The following LDLRAD2 variants were observed in gnomAD, a reference collection of about 807,000 sequenced individuals.
LDLRAD2 encodes the protein low-density lipoprotein receptor class A domain-containing protein 2.
A neutral mutation model predicts 24.9 loss-of-function variants in LDLRAD2; 25 were observed. The ratio of observed to expected loss-of-function variants is 1.00; its 90% CI spans 0.73 to 1.40. The LOEUF (loss-of-function observed/expected upper bound fraction) is 1.40, where lower values mean the gene tolerates loss of function less well. LDLRAD2 is among the 40% of genes most tolerant of loss of function. LDLRAD2 has a pLI of 0.00. For missense variants in LDLRAD2, 391 were observed against 366.2 expected (o/e 1.07, Z -0.55); for synonymous variants, 182 against 166.7 (o/e 1.09, Z -0.71).
chr1:21,819,298 G>A (rs987220189), intron 3 of LDLRAD2, among the ~76,000 whole-genome samples: 2 of 151,792 alleles, frequency 1.3e-5, no homozygotes, highest in African/African-American at 2.4e-5. Context: ...ACTTGAACCC[G>A]GGAGGCATAG....
intron 3 of LDLRAD2, 123 bp downstream of exon 3, chr1:21,816,197 C>T (rs931448359): frequency 9.8e-6 from 13 of 1,327,748 alleles, no homozygotes; most frequent in East Asian, 5.0e-5. Context: ...AGTGTGGAAT[C>T]GGCTTAGGCC....
chr1:21,815,311 T>TA (rs1452245670), intron 2 of LDLRAD2, among the ~76,000 whole-genome samples: 2 of 152,182 alleles, frequency 1.3e-5, no homozygotes, highest in Non-Finnish European at 2.9e-5. Context: ...ATGCACACAG[T>TA]ACCGCCTTGC....
At position 21,822,530 on chromosome 1, in the gene LDLRAD2, A is replaced by C; in HGVS notation, c.*315A>C. ...CTGTTGGAGGAGTCCCTGGGCCTTC[A>C]CTTCCAGATGGGTGGGGATGTGGCC... On this transcript the variant is annotated 3_prime_UTR_variant, in exon 5 of 5. Transcript: ENST00000344642. The C allele has an allele frequency of 3.3e-6, 1 of 301,498 alleles. No homozygotes were observed. The highest frequency in any genetic ancestry group is 6.4e-6 in the Non-Finnish European group (1 of 155,676). The allele number at this position is 301,498 out of a possible 1,614,324, so 18.7% of individuals were successfully genotyped here.
Position 21,823,958 on chromosome 1 carries a change from C to T in LDLRAD2, c.*1743C>T, listed in dbSNP as rs1338507985. On this transcript the variant is annotated 3_prime_UTR_variant, in exon 5 of 5. Coordinates refer to ENST00000344642, the MANE Select transcript of LDLRAD2 (RefSeq NM_001013693.3). The stretch of plus-strand genomic sequence containing the variant: ...TCGCCTGCCCCCAGCGGAGTTCAGT[C>T]CGAGATGGAAGCCCGAGCCCTGGCT... The T allele has an allele frequency of 1.5e-5, 12 of 815,104 alleles. No homozygotes were observed. Among genetic ancestry groups the T allele is most frequent in the Non-Finnish European group, 2.4e-5 (12 of 495,010 alleles). The allele number at this position is 815,104 out of a possible 1,614,324, so 50.5% of individuals were successfully genotyped here.
chr1:21,819,313 C>G (rs189830982), intron 3 of LDLRAD2, among the ~76,000 whole-genome samples: 7 of 151,804 alleles, frequency 4.6e-5, no homozygotes, highest in African/African-American at 9.7e-5. Flanking sequence ...GCATAGGTTG[C>G]GGTGAGCCGA....
At chr1:21,817,507 A>C (rs1437205678) in intron 3 of LDLRAD2, among the ~76,000 whole-genome samples, 1 of 151,902 alleles carries the variant, frequency 6.6e-6, no homozygotes, top group African/African-American at 2.4e-5. Flanking sequence ...TGCCCAGCTA[A>C]TTTTTGTGTT....
chr1:21,815,954 G>A lies in LDLRAD2; in HGVS notation c.523G>A (p.Ala175Thr), dbSNP rs771189421. 8.1e-6 allele frequency: 13 copies of A among 1,613,870 alleles called. No homozygotes were observed. The highest frequency in any genetic ancestry group is 1.1e-5 in the Non-Finnish European group (13 of 1,179,994). The change falls in exon 3 of 5, where the codon GCC (alanine) becomes ACC (threonine). Residue 175 changes from alanine to threonine, a missense_variant. Coordinates refer to ENST00000344642, the MANE Select transcript of LDLRAD2 (RefSeq NM_001013693.3). ...GCTTCTGGCCTCAGGACCTTGTGGT[G>A]CCTACTTCCGCTGCCAGAATGGCAG... Reference protein sequence around the residue: ...VTSFRLGPCGAYFRCQNGRCI... With the variant: ...VTSFRLGPCGTYFRCQNGRCI...
intron 3 of LDLRAD2, among the ~76,000 whole-genome samples, chr1:21,817,635 C>T (rs2097945248): frequency 6.6e-6 from 1 of 151,714 alleles, no homozygotes; most frequent in African/African-American, 2.4e-5. Flanking sequence ...TTTTTTAGGG[C>T]AGTTTTAGAT....
In LDLRAD2 at chr1:21,821,939, TATAGGATC is replaced by T. The variant is rs1352991402; in HGVS notation, c.806-261_806-254del. ...GGGCTGCAGTTGAGTGGCCCAGCCT[TATAGGATC>T]AGGGAGGCCATCCCTAGAGGGGCTT... On this transcript the variant is annotated intron_variant, in intron 4 of 4. Transcript: ENST00000344642. The T allele has an allele frequency of 2.1e-6, 3 of 1,419,364 alleles. No individual in the cohort carries two copies. The African/African-American group carries it at 4.3e-5, about 20-fold the overall frequency. 87.9% of individuals were successfully genotyped at this position (1,419,364 alleles called of 1,614,324 possible).
chr1:21,821,315 GCAAGTGA>G, intron 3 of LDLRAD2, 128 bp from the exon 4 acceptor site: 1 of 1,175,938 alleles, frequency 8.5e-7, no homozygotes, highest in Non-Finnish European at 1.2e-6. Context: ...ATTGAACTCG[GCAAGTGA>G]CAACCTCTCT....
At chr1:21,814,366 C>T (rs778863263) in intron 1 of LDLRAD2, 32 bp from the exon 2 acceptor site, 5 of 1,535,670 alleles carry the variant, frequency 3.3e-6, no homozygotes, top group South Asian at 2.5e-5. Flanking sequence ...GGTCGCGCCG[C>T]GCGGCTCCAG....
chr1:21,813,931 G>T (rs1374031622), intron 1 of LDLRAD2, among the ~76,000 whole-genome samples: 1 of 151,802 alleles, frequency 6.6e-6, no homozygotes, highest in African/African-American at 2.4e-5. Flanking sequence ...GAGTGCAGTG[G>T]CTTGATCTCA....
At position 21,823,671 on chromosome 1, in the gene LDLRAD2, G is replaced by A. The variant is rs754919077; in HGVS notation, c.*1456G>A. ...CCACGTTGGGACCTGGGGACCGGCC[G>A]CTGACCAGCTCCTCACCGTCGACTT... On this transcript the variant is annotated 3_prime_UTR_variant, in exon 5 of 5. Transcript: ENST00000344642. 1.7e-5 allele frequency: 27 copies of A among 1,613,578 alleles called. No homozygotes were observed. The highest frequency in any genetic ancestry group is 1.9e-5 in the Non-Finnish European group (23 of 1,180,010).
intron 3 of LDLRAD2, among the ~76,000 whole-genome samples, chr1:21,816,405 G>A (rs991507682): frequency 6.6e-6 from 1 of 152,222 alleles, no homozygotes; most frequent in Non-Finnish European, 1.5e-5. Context: ...GTCTCTCTGA[G>A]GGCCCTGAGT....
At chr1:21,822,035 C>G (rs2097952911) in intron 4 of LDLRAD2, 167 bp from the exon 5 acceptor site, 2 of 1,453,538 alleles carry the variant, frequency 1.4e-6, no homozygotes, top group Admixed American at 2.6e-5. Context: ...CCCCCTGGCT[C>G]TCTGTCTGAT....
intron 4 of LDLRAD2, 51 bp from the exon 5 acceptor site, chr1:21,822,151 C>T: frequency 6.2e-7 from 1 of 1,614,002 alleles, no homozygotes; most frequent in Non-Finnish European, 8.5e-7. Context: ...GATCCCAAGC[C>T]AGCTTGCTTC....
Position 21,814,629 on chromosome 1 carries a change from C to G in LDLRAD2, c.317C>G (p.Pro106Arg). Residue 106 changes from proline (P) to arginine (R), a missense_variant, in exon 2 of 5, where the codon CCG becomes CGG. Coordinates refer to ENST00000344642, the MANE Select transcript of LDLRAD2 (RefSeq NM_001013693.3). ...LNTSSPAPADPCAPGSYLQFY... is the reference protein window; with the variant it reads ...LNTSSPAPADRCAPGSYLQFY... Reference sequence around the variant, plus strand: ...ACCTCCTCCCCGGCCCCGGCCGACCCGTGCGCCCCCGGCTCCTACCTGCAG... The same window carrying G: ...ACCTCCTCCCCGGCCCCGGCCGACCGGTGCGCCCCCGGCTCCTACCTGCAG... The G allele has an allele frequency of 5.0e-6, 8 of 1,608,174 alleles. No individual in the cohort carries two copies. The highest frequency in any genetic ancestry group is 1.1e-5 in the South Asian group (1 of 90,780).
In LDLRAD2 at chr1:21,823,506, G is replaced by A. The variant is rs370776663; in HGVS notation, c.*1291G>A. The A allele has an allele frequency of 1.5e-4, 236 of 1,606,930 alleles. 1 individual carries two copies. The African/African-American group carries it at 2.3e-3, about 15-fold the overall frequency. On this transcript the variant is annotated 3_prime_UTR_variant, in exon 5 of 5. Transcript: ENST00000344642. Reference sequence around the variant, plus strand: ...GGCTCCGCCTGCCGGGAGGTGAGAGGACAGGGCCTGTGGGCTCCAGCAGCC... The same window carrying A: ...GGCTCCGCCTGCCGGGAGGTGAGAGAACAGGGCCTGTGGGCTCCAGCAGCC...
chr1:21,820,006 A>C (rs2097948536), intron 3 of LDLRAD2, among the ~76,000 whole-genome samples: 1 of 152,068 alleles, frequency 6.6e-6, no homozygotes, highest in Non-Finnish European at 1.5e-5. Context: ...TCTTGAGAGA[A>C]CTCACTATCT....
Sources: allele counts gnomAD v4.1 joint callset (sites outside exome capture counted in the v4.1 genomes callset), GRCh38; gene constraint gnomAD v4.1.1; transcripts MANE v1.5; gene names NCBI Gene and HGNC (gene_info 2026-07-23, HGNC 2026-07-21).